NRXN3: variants seen among roughly 807,000 people sequenced by gnomAD.
The protein encoded by NRXN3 is neurexin 3.
NRXN3 carries 32 observed loss-of-function variants against 137.6 expected under a neutral mutation model. The observed-to-expected ratio is 0.23, with a 90% CI of 0.18 to 0.31. NRXN3 has a LOEUF of 0.31. Among genes scored for constraint, NRXN3 ranks in the 10% least tolerant of loss-of-function variants. The probability of loss-of-function intolerance (pLI) is 1.00; values close to 1 mark genes in which losing one functional copy is unlikely to be tolerated. For missense variants in NRXN3, 1,574 were observed against 2,062.5 expected, an observed-to-expected ratio of 0.76 and a Z score of 4.59; for synonymous variants, 798 against 784.5, an observed-to-expected ratio of 1.02 and a Z score of -0.29.
rs1349440101 is a variant in NRXN3, at chr14:79,279,921, G to T, written c.3263-187300G>T. On this transcript the variant is annotated intron_variant, in intron 15 of 20. Transcript: ENST00000335750. ...GCCACCTTTCCTCTGTGTGGCTCCC[G>T]GGAGTGTGCGGTTAAGTCATCAGAC... 2.8e-6 allele frequency: 3 copies of T among 1,061,158 alleles called. No individual in the cohort carries two copies. The East Asian group carries it at 2.4e-4, about 85-fold the overall frequency. 65.7% of individuals were successfully genotyped at this position (1,061,158 alleles called of 1,614,324 possible).
At chr14:78,280,082 A>T (rs138894607) in intron 3 of NRXN3, among the ~76,000 whole-genome samples, 14 of 152,324 alleles carry the variant, frequency 9.2e-5, no homozygotes, top group African/African-American at 2.6e-4. Flanking sequence ...CTATTTAATA[A>T]TATTTTAGTT....
chr14:79,329,950 C>T (rs1480741666), intron 15 of NRXN3, among the ~76,000 whole-genome samples: 2 of 151,474 alleles, frequency 1.3e-5, no homozygotes, highest in African/African-American at 2.4e-5. Context: ...AAGCAATTCT[C>T]CTGCCTCAGC....
At chr14:78,895,292 A>G (rs2099170203) in intron 10 of NRXN3, among the ~76,000 whole-genome samples, 1 of 151,946 alleles carries the variant, frequency 6.6e-6, no homozygotes, top group Admixed American at 6.6e-5. Context: ...TGCAGCGTCT[A>G]CATAAGCACT....
At chr14:79,856,245 T>C (rs2099402249) in intron 20 of NRXN3, among the ~76,000 whole-genome samples, 1 of 152,146 alleles carries the variant, frequency 6.6e-6, no homozygotes. Flanking sequence ...ACTTGCCCTG[T>C]TTGTCCATGA....
chr14:79,809,238 T>C (rs1216959064), intron 20 of NRXN3, among the ~76,000 whole-genome samples: 3 of 152,220 alleles, frequency 2.0e-5, no homozygotes, highest in Non-Finnish European at 2.9e-5. Context: ...ACAAAATCTA[T>C]ATTTTTAACA....
intron 10 of NRXN3, among the ~76,000 whole-genome samples, chr14:78,841,624 C>G (rs2099012776): frequency 6.6e-6 from 1 of 151,888 alleles, no homozygotes; most frequent in African/African-American, 2.4e-5. Flanking sequence ...TTTCTGTCTC[C>G]TTCATTTTGG....
chr14:78,305,056 T>C (rs1056169822), intron 4 of NRXN3, among the ~76,000 whole-genome samples: 1 of 152,182 alleles, frequency 6.6e-6, no homozygotes, highest in Non-Finnish European at 1.5e-5. Flanking sequence ...GATTTCTTAC[T>C]GGATGTCAAT....
At chr14:78,446,408 C>CTT (rs532924679) in intron 4 of NRXN3, among the ~76,000 whole-genome samples, 4 of 145,632 alleles carry the variant, frequency 2.7e-5, no homozygotes, top group African/African-American at 1.0e-4. Flanking sequence ...ATGCTCTAGG[C>CTT]TTTTTTTTTT....
Position 79,861,105 on chromosome 14 carries a change from C to A in NRXN3, c.4094-237C>A. On this transcript the variant is annotated intron_variant, in intron 20 of 20. Transcript: ENST00000335750. The surrounding 1 kb of genome is among the most constrained non-coding windows in gnomAD (Gnocchi z 5.4). ...GCTACCCCTCCTATTGCTACTCGTG[C>A]ACCTTCCATTACACTCCCCCCTACC... 6.9e-7 allele frequency: 1 copy of A among 1,458,062 alleles called. No homozygotes were observed. Among genetic ancestry groups the A allele is most frequent in the Non-Finnish European group, 9.0e-7 (1 of 1,108,768 alleles). 90.3% of individuals were successfully genotyped at this position (1,458,062 alleles called of 1,614,324 possible). A position where few individuals can be genotyped will look rare whatever the true frequency, so the allele number is the denominator to read the frequency against.
intron 8 of NRXN3, among the ~76,000 whole-genome samples, chr14:78,746,348 A>G (rs750136747): frequency 1.4e-4 from 22 of 152,174 alleles, no homozygotes; most frequent in Non-Finnish European, 2.9e-4. Flanking sequence ...TGCTCTAAGA[A>G]CACACAGAGA....
In NRXN3 at chr14:79,495,346, G is replaced by C. The variant is rs567934760; in HGVS notation, c.3444+27944G>C. Among the ~76,000 whole-genome samples, 5 of 152,342 alleles carry C rather than the reference G, an allele frequency of 3.3e-5. No homozygotes were observed. The South Asian group carries it at 1.0e-3, about 32-fold the overall frequency. ...CTTAGGTACAAGGATGCCATGCCTA[G>C]TCAGAGTTCTGAATTCAGGTTCTCA... is the stretch of plus-strand genomic sequence containing the variant. On this transcript the variant is annotated intron_variant, in intron 16 of 20. Coordinates refer to ENST00000335750, the MANE Select transcript of NRXN3 (RefSeq NM_001330195.2).
chr14:78,202,351 C>T lies in NRXN3; in HGVS notation c.-704+31677C>T, dbSNP rs147095637. Among the ~76,000 whole-genome samples, 216 of 152,328 alleles carry T rather than the reference C, an allele frequency of 1.4e-3. 1 individual carries two copies. The highest frequency in any genetic ancestry group is 4.9e-3 in the African/African-American group (204 of 41,572). ...CTCTGCAAAAGGACTTTGTGGATTT[C>T]CTGTCGGTTAAAGATGTGGCAGCAT... On this transcript the variant is annotated intron_variant, in intron 1 of 20. Coordinates refer to ENST00000335750, the MANE Select transcript of NRXN3 (RefSeq NM_001330195.2).
At chr14:79,178,124 G>C (rs1308251770) in intron 15 of NRXN3, among the ~76,000 whole-genome samples, 2 of 152,198 alleles carry the variant, frequency 1.3e-5, no homozygotes, top group Non-Finnish European at 2.9e-5. Context: ...AGCCCAGATG[G>C]CTGGGCTCCA....
At chr14:78,963,561 A>G (rs31421) in intron 11 of NRXN3, among the ~76,000 whole-genome samples, 39,452 of 151,828 alleles carry the variant, frequency 0.26, 9,166 homozygotes, top group African/African-American at 0.62. Context: ...GCAAATTTAG[A>G]TTATGTTGCT....
At chr14:79,151,551 T>C (rs539685733) in intron 15 of NRXN3, among the ~76,000 whole-genome samples, 40 of 152,190 alleles carry the variant, frequency 2.6e-4, no homozygotes, top group Non-Finnish European at 5.4e-4. Flanking sequence ...GACTTGGTGC[T>C]GTCCTGGAAA....
intron 4 of NRXN3, among the ~76,000 whole-genome samples, chr14:78,513,660 A>T (rs1205654305): frequency 6.6e-6 from 1 of 152,160 alleles, no homozygotes; most frequent in Non-Finnish European, 1.5e-5. Flanking sequence ...GTGCAAAAAA[A>T]ATTCAAGTAT....
chr14:78,309,534 T>C (rs2077733600), intron 4 of NRXN3, among the ~76,000 whole-genome samples: 1 of 151,888 alleles, frequency 6.6e-6, no homozygotes, highest in Admixed American at 6.6e-5. Flanking sequence ...GAGATGCTAA[T>C]AATATTTCAA....
At chr14:79,226,846 T>G (rs7152685) in intron 15 of NRXN3, among the ~76,000 whole-genome samples, 6 of 141,780 alleles carry the variant, frequency 4.2e-5, no homozygotes, top group African/African-American at 1.6e-4. Flanking sequence ...GACAGAGTCT[T>G]GCTCTTTTGC....
chr14:79,861,433 C>A lies in NRXN3; in HGVS notation c.4185C>A (p.Ser1395=). 6.5e-7 allele frequency: 1 copy of A among 1,536,420 alleles called. No homozygotes were observed. Among genetic ancestry groups the A allele is most frequent in the Non-Finnish European group, 8.7e-7 (1 of 1,146,986 alleles). The change falls in exon 21 of 21, where the codon TCC becomes TCA. Residue 1395 remains serine (S), a synonymous_variant. Transcript: ENST00000335750. This position sits in a 1 kb window ranked among gnomAD's most constrained non-coding sequence, Gnocchi z 5.4. ...AGGACTTTAGACCTAACAAAGTCTC[C>A]GAAACTAGTAGGACTACTACCACAT... ...ESKDFRPNKV[S]ETSRTTTTSL...
Sources: allele counts gnomAD v4.1 joint callset (sites outside exome capture counted in the v4.1 genomes callset), GRCh38; gene constraint gnomAD v4.1.1; non-coding constraint Gnocchi (gnomAD v3.1); transcripts MANE v1.5; gene names NCBI Gene and HGNC (gene_info 2026-07-23, HGNC 2026-07-21).